The following KCNN2 variants were observed in gnomAD, a reference collection of about 807,000 sequenced individuals.
KCNN2 encodes potassium calcium-activated channel subfamily N member 2.
In KCNN2, 24 loss-of-function variants were observed where a neutral mutation model predicts 55.5. The ratio of observed to expected loss-of-function variants is 0.43; its 90% confidence interval spans 0.31 to 0.61. The LOEUF (loss-of-function observed/expected upper bound fraction) is 0.61, where lower values mean the gene tolerates loss of function less well. Among genes scored for constraint, KCNN2 ranks in the 20% least tolerant of loss-of-function variants. The pLI, the probability that KCNN2 is intolerant of heterozygous loss-of-function variation, is 0.08. For missense variants in KCNN2, 754 were observed against 853.6 expected, an observed-to-expected ratio of 0.88 and a Z score of 1.45; for synonymous variants, 431 against 336.1, an observed-to-expected ratio of 1.28 and a Z score of -3.09.
intron 4 of KCNN2, among the ~76,000 whole-genome samples, chr5:114,466,723 G>A (rs1487647002): frequency 6.6e-6 from 1 of 151,850 alleles, no homozygotes; most frequent in Non-Finnish European, 1.5e-5. Flanking sequence ...TTTAAATATC[G>A]AGTAATATCT....
intron 5 of KCNN2, among the ~76,000 whole-genome samples, chr5:114,479,153 C>G (rs1300362846): frequency 1.3e-5 from 2 of 151,582 alleles, no homozygotes; most frequent in Non-Finnish European, 2.9e-5. Context: ...TCAAGAGACC[C>G]TCTCATGTGC....
At chr5:114,280,522 T>C (rs1399962284) in intron 2 of KCNN2, among the ~76,000 whole-genome samples, 1 of 152,204 alleles carries the variant, frequency 6.6e-6, no homozygotes, top group Non-Finnish European at 1.5e-5. Context: ...TACATATGGC[T>C]AGCCAGTTTT....
chr5:114,453,014 C>T (rs1222433823), intron 3 of KCNN2, among the ~76,000 whole-genome samples: 1 of 152,176 alleles, frequency 6.6e-6, no homozygotes, highest in African/African-American at 2.4e-5. Flanking sequence ...TCTGAGCCTG[C>T]AGCTGGTGGA....
rs536390872 is a variant in KCNN2, at chr5:114,261,563, T to C, written c.-185+39998T>C. Among the ~76,000 whole-genome samples, 3 of 152,270 alleles carry C rather than the reference T, an allele frequency of 2.0e-5. 1 individual carries two copies. The highest frequency in any genetic ancestry group is 2.1e-4 in the South Asian group (1 of 4,816). On this transcript the variant is annotated intron_variant, in intron 2 of 10. Coordinates refer to the KCNN2 transcript ENST00000512097. ...CCTTACCACACTTAAGGGAACAGGA[T>C]ATATGTTTTTGAAACTTCCACCTAA...
chr5:114,168,022 T>C (rs1049764548), intron 1 of KCNN2, among the ~76,000 whole-genome samples: 8 of 152,218 alleles, frequency 5.3e-5, no homozygotes, highest in Admixed American at 2.0e-4. Context: ...GCGAGTAGCA[T>C]GTGAGTAGTA....
At position 114,496,071 on chromosome 5, in the gene KCNN2, G is replaced by A; in HGVS notation, c.2265G>A (p.Gln755=). ...AGCAGAGAGATTTCATTGAGGCTCA[G>A]ATGGAGAGCTACGACAAGCACGTCA... ...RQQQRDFIEA[Q]MESYDKHVTY... The change falls in exon 8 of 8, where the codon CAG becomes CAA. Residue 755 remains glutamine (Q), a synonymous_variant. Transcript: ENST00000673685. The A allele has an allele frequency of 6.2e-7, 1 of 1,614,086 alleles. No homozygotes were observed. The highest frequency in any genetic ancestry group is 8.5e-7 in the Non-Finnish European group (1 of 1,179,974).
In KCNN2 at chr5:114,273,104, C is replaced by T. The variant is rs537340973; in HGVS notation, c.-185+51539C>T. Among the ~76,000 whole-genome samples, 9 of 152,238 alleles carry T rather than the reference C, an allele frequency of 5.9e-5. No homozygotes were observed. The South Asian group carries it at 1.7e-3, about 28-fold the overall frequency. ...ATGTATTCTCATTGTTCAACTCCCA[C>T]TTATGAGTGAGAACACATGGTGTTT... is the stretch of plus-strand genomic sequence containing the variant. On this transcript the variant is annotated intron_variant, in intron 2 of 10. Transcript: ENST00000512097.
chr5:114,475,151 T>TA (rs1459750348), intron 5 of KCNN2, among the ~76,000 whole-genome samples: 2 of 152,144 alleles, frequency 1.3e-5, no homozygotes, highest in Non-Finnish European at 2.9e-5. Flanking sequence ...CCACCTTTGA[T>TA]AAAAATTTTT....
rs150952362 is a variant in KCNN2, at chr5:114,263,063, G to A, written c.-185+41498G>A. Among the ~76,000 whole-genome samples the A allele has an allele frequency of 1.8e-3, 281 of 152,250 alleles. 2 individuals are homozygous for A. The highest frequency in any genetic ancestry group is 6.6e-3 in the African/African-American group (273 of 41,546). On this transcript the variant is annotated intron_variant, in intron 2 of 10. Coordinates refer to the KCNN2 transcript ENST00000512097. Reference sequence around the variant, plus strand: ...GACTTGGAATCAGGACAACTGGATCGAGGCCTGGCTGCTTACTATCCTTCT... The same window carrying A: ...GACTTGGAATCAGGACAACTGGATCAAGGCCTGGCTGCTTACTATCCTTCT...
intron 1 of KCNN2, among the ~76,000 whole-genome samples, chr5:114,113,735 G>A (rs1482009704): frequency 6.6e-6 from 1 of 152,106 alleles, no homozygotes; most frequent in East Asian, 1.9e-4. Flanking sequence ...TCTAATGGAA[G>A]ATCCAGGTTA....
intron 3 of KCNN2, among the ~76,000 whole-genome samples, chr5:114,422,572 C>G (rs894645781): frequency 6.6e-6 from 1 of 151,906 alleles, no homozygotes; most frequent in Non-Finnish European, 1.5e-5. Context: ...TTACTCTTCC[C>G]TAAAAAGAGA....
intron 2 of KCNN2, among the ~76,000 whole-genome samples, chr5:114,299,286 G>A (rs1580705282): frequency 6.6e-6 from 1 of 152,034 alleles, no homozygotes; most frequent in Non-Finnish European, 1.5e-5. Flanking sequence ...ACTTAGGTCC[G>A]ATGGTCATTC....
intron 1 of KCNN2, among the ~76,000 whole-genome samples, chr5:114,147,831 T>C (rs1388547182): frequency 6.6e-6 from 1 of 152,166 alleles, no homozygotes; most frequent in African/African-American, 2.4e-5. Context: ...CGCGAGCTTC[T>C]AGGTGCGTTG....
intron 1 of KCNN2, among the ~76,000 whole-genome samples, chr5:114,133,955 C>T (rs1752119021): frequency 6.6e-6 from 1 of 152,078 alleles, no homozygotes; most frequent in African/African-American, 2.4e-5. Context: ...TCTTTTGAAC[C>T]CATTTAAGGG....
At chr5:114,157,355 C>A (rs912046200) in intron 1 of KCNN2, among the ~76,000 whole-genome samples, 2 of 152,018 alleles carry the variant, frequency 1.3e-5, no homozygotes, top group East Asian at 1.9e-4. Context: ...TTATGGCTGC[C>A]TAGTATTCCC....
At position 114,493,624 on chromosome 5, in the gene KCNN2, A is replaced by G. The variant is rs1370841733; in HGVS notation, c.2088+152A>G. On this transcript the variant is annotated intron_variant, in intron 7 of 7. Transcript: ENST00000673685. ...CCCTAAAATGATGGTCCAACTTAAAAGAATGTTTCTGTAACTCTCATTTAA... is the reference window on the plus strand; with the variant it reads ...CCCTAAAATGATGGTCCAACTTAAAGGAATGTTTCTGTAACTCTCATTTAA... The G allele has an allele frequency of 7.9e-6, 5 of 634,828 alleles. No homozygotes were observed. In the Admixed American group the frequency reaches 8.0e-5, roughly 10 times the overall value. 39.3% of individuals were successfully genotyped at this position (634,828 alleles called of 1,614,324 possible). A position where few individuals can be genotyped will look rare whatever the true frequency, so the allele number is the denominator to read the frequency against.
At position 114,200,201 on chromosome 5, in the gene KCNN2, C is replaced by CT. The variant is rs1185115203; in HGVS notation, c.-270-21270dup. 2.1e-4 allele frequency among the ~76,000 whole-genome samples: 32 copies of CT among 151,502 alleles called. No individual in the cohort carries two copies. In the East Asian group the frequency reaches 2.7e-3, roughly 13 times the overall value. On this transcript the variant is annotated intron_variant, in intron 1 of 10. Transcript: ENST00000512097. ...AAGGATTTGTTCATTTTTTAAAATA[C>CT]TTTTTTTTTATTTTTGTCTTGCTGG...
chr5:114,404,213 C>CA (rs1320239126), intron 2 of KCNN2, among the ~76,000 whole-genome samples: 4 of 152,148 alleles, frequency 2.6e-5, no homozygotes, highest in Non-Finnish European at 5.9e-5. Context: ...CTTTGAACTT[C>CA]AAAACAGTTT....
intron 2 of KCNN2, among the ~76,000 whole-genome samples, chr5:114,309,161 T>G (rs1349034198): frequency 1.3e-5 from 2 of 152,222 alleles, no homozygotes; most frequent in African/African-American, 2.4e-5. Flanking sequence ...TATTCACTTA[T>G]GTCTATTTGA....
Sources: gnomAD v4.1 joint callset for allele counts (sites outside exome capture counted in the v4.1 genomes callset) on GRCh38, gnomAD v4.1.1 for gene constraint, MANE v1.5 for transcripts, NCBI Gene and HGNC (gene_info 2026-07-23, HGNC 2026-07-21) for gene names.